The following TSPAN5 variants were observed in gnomAD, a reference collection of about 807,000 sequenced individuals.
TSPAN5 encodes tetraspanin 5.
Under a neutral mutation model 37.1 loss-of-function variants are expected in TSPAN5, and 10 were observed. The ratio of observed to expected loss-of-function variants is 0.27; its 90% CI spans 0.17 to 0.46. The LOEUF (loss-of-function observed/expected upper bound fraction) is 0.46, where lower values mean the gene tolerates loss of function less well. Ranked by LOEUF, TSPAN5 falls within the 20% of genes least tolerant of loss-of-function variation. TSPAN5 has a pLI of 1.00. For missense variants in TSPAN5, 195 were observed against 326.6 expected, an observed-to-expected ratio of 0.60 and a Z score of 3.11; for synonymous variants, 110 against 118.9, an observed-to-expected ratio of 0.93 and a Z score of 0.48.
chr4:98,602,916 A>C (rs867318446), intron 1 of TSPAN5, among the ~76,000 whole-genome samples: 2 of 152,360 alleles, frequency 1.3e-5, no homozygotes, highest in African/African-American at 4.8e-5. Context: ...CAGGTATAAT[A>C]GCAATGAAAA....
At chr4:98,520,266 G>A (rs999803173) in intron 1 of TSPAN5, among the ~76,000 whole-genome samples, 5 of 152,192 alleles carry the variant, frequency 3.3e-5, no homozygotes, top group African/African-American at 1.2e-4. Flanking sequence ...AAGCAAAGGG[G>A]TGGCAACAGT....
intron 1 of TSPAN5, among the ~76,000 whole-genome samples, chr4:98,622,691 A>G (rs1002338632): frequency 6.6e-6 from 1 of 152,216 alleles, no homozygotes; most frequent in Non-Finnish European, 1.5e-5. Context: ...CATGTCAGGT[A>G]GGACAGTCAG....
intron 7 of TSPAN5, among the ~76,000 whole-genome samples, chr4:98,473,290 T>C (rs1164773955): frequency 2.0e-5 from 3 of 152,194 alleles, no homozygotes; most frequent in African/African-American, 7.2e-5. Context: ...TTCATTTCCA[T>C]TAGCAACATA....
intron 1 of TSPAN5, among the ~76,000 whole-genome samples, chr4:98,605,142 G>T (rs566289773): frequency 6.8e-4 from 103 of 151,834 alleles, no homozygotes; most frequent in Admixed American, 3.7e-3. Context: ...TCTCTTTTTT[G>T]TTGTTGTTGT....
At chr4:98,532,617 C>CAATCA (rs368411669) in intron 1 of TSPAN5, among the ~76,000 whole-genome samples, 83,143 of 151,050 alleles carry the variant, frequency 0.55, 23,333 homozygotes, top group African/African-American at 0.66. Flanking sequence ...TTCTAAATAT[C>CAATCA]TGTCATCTGA....
intron 1 of TSPAN5, among the ~76,000 whole-genome samples, chr4:98,644,824 C>A (rs1398314871): frequency 6.6e-6 from 1 of 152,152 alleles, no homozygotes; most frequent in Non-Finnish European, 1.5e-5. Context: ...TGTAACTACT[C>A]ACTGGGCCTA....
At chr4:98,624,436 A>T (rs546338046) in intron 1 of TSPAN5, among the ~76,000 whole-genome samples, 1 of 152,306 alleles carries the variant, frequency 6.6e-6, no homozygotes, top group East Asian at 1.9e-4. Flanking sequence ...AGGAAAAAAA[A>T]ATACGTATTA....
rs983783231 is a variant in TSPAN5 at position 98,592,837 on chromosome 4, T to C, written c.81+65309A>G. Among the ~76,000 whole-genome samples the C allele has an allele frequency of 5.8e-3, 879 of 150,506 alleles. 13 individuals carry two copies. Among genetic ancestry groups the C allele is most frequent in the African/African-American group, 0.02 (818 of 41,130 alleles). On this transcript the variant is annotated intron_variant, in intron 1 of 7. Transcript: ENST00000305798. ...CACATTTTCTTAATCCAGTCTATCA[T>C]TGTTGGACATCTGGGTTGGTTCCAA...
At chr4:98,618,182 G>A (rs1354569641) in intron 1 of TSPAN5, among the ~76,000 whole-genome samples, 1 of 152,000 alleles carries the variant, frequency 6.6e-6, no homozygotes, top group Non-Finnish European at 1.5e-5. Flanking sequence ...GTAGAAAAGT[G>A]CATTCAATTT....
At chr4:98,645,487 T>A (rs1467394872) in intron 1 of TSPAN5, among the ~76,000 whole-genome samples, 1 of 152,172 alleles carries the variant, frequency 6.6e-6, no homozygotes, top group African/African-American at 2.4e-5. Flanking sequence ...TGGATCTTTG[T>A]CCCCTCTCAC....
chr4:98,618,872 T>C (rs1220853056), intron 1 of TSPAN5, among the ~76,000 whole-genome samples: 1 of 152,228 alleles, frequency 6.6e-6, no homozygotes, highest in Non-Finnish European at 1.5e-5. Flanking sequence ...GTCTATAGCA[T>C]AGCTGTAAAG....
intron 1 of TSPAN5, among the ~76,000 whole-genome samples, chr4:98,647,436 A>G (rs1371726747): frequency 6.6e-6 from 1 of 152,210 alleles, no homozygotes; most frequent in Admixed American, 6.5e-5. Flanking sequence ...GGACTACTTA[A>G]TTGAGTACAA....
At chr4:98,569,534 C>T (rs750021231) in intron 1 of TSPAN5, among the ~76,000 whole-genome samples, 4 of 152,242 alleles carry the variant, frequency 2.6e-5, no homozygotes, top group South Asian at 2.1e-4. Context: ...TGGGGGTGCT[C>T]GTGTCAGCAA....
chr4:98,576,984 C>T (rs761604663), intron 1 of TSPAN5, among the ~76,000 whole-genome samples: 2 of 152,190 alleles, frequency 1.3e-5, no homozygotes, highest in African/African-American at 2.4e-5. Flanking sequence ...TGATCTTGAA[C>T]TCCTGACCTC....
chr4:98,657,721 C>G, intron 1 of TSPAN5: 1 of 254,146 alleles, frequency 3.9e-6, no homozygotes. Context: ...CCAATCAGAT[C>G]GTTGTTAGAA....
intron 1 of TSPAN5, among the ~76,000 whole-genome samples, chr4:98,533,917 G>T: frequency 1.1e-5 from 1 of 87,184 alleles, no homozygotes; most frequent in Non-Finnish European, 2.1e-5. Flanking sequence ...TCTGGCTAGT[G>T]GTCTATCCAT....
intron 1 of TSPAN5, among the ~76,000 whole-genome samples, chr4:98,627,395 G>A (rs375925113): frequency 5.3e-5 from 8 of 151,938 alleles, no homozygotes; most frequent in African/African-American, 1.9e-4. Context: ...TCCTGTAAGT[G>A]TGAAGTTGTT....
chr4:98,495,758 G>A (rs980862228), intron 2 of TSPAN5, among the ~76,000 whole-genome samples: 2 of 151,970 alleles, frequency 1.3e-5, no homozygotes, highest in Non-Finnish European at 2.9e-5. Flanking sequence ...AACTTCAGGA[G>A]TGTCTGTGTT....
At chr4:98,620,570 G>C (rs191217108) in intron 1 of TSPAN5, among the ~76,000 whole-genome samples, 11 of 152,320 alleles carry the variant, frequency 7.2e-5, no homozygotes, top group African/African-American at 2.6e-4. Context: ...TAAGAACAAA[G>C]GTGCTGCATA....
Sources: allele counts gnomAD v4.1 joint callset (sites outside exome capture counted in the v4.1 genomes callset), GRCh38; gene constraint gnomAD v4.1.1; transcripts MANE v1.5; gene names NCBI Gene and HGNC (gene_info 2026-07-23, HGNC 2026-07-21).